Variants in ARHGAP26 observed in about 807,000 individuals in gnomAD.
The protein encoded by ARHGAP26 is Rho GTPase activating protein 26.
In ARHGAP26, 38 loss-of-function variants were observed where a neutral mutation model predicts 104.8. The observed-to-expected ratio is 0.36, with a 90% CI of 0.28 to 0.48. ARHGAP26 has a LOEUF of 0.48. Ranked by LOEUF, ARHGAP26 falls within the 20% of genes least tolerant of loss-of-function variation. The pLI, the probability that ARHGAP26 is intolerant of heterozygous loss-of-function variation, is 0.99. For missense variants in ARHGAP26, 704 were observed against 947.9 expected (o/e 0.74, Z 3.38); for synonymous variants, 341 against 340.0 (o/e 1.00, Z -0.03).
intron 17 of ARHGAP26, among the ~76,000 whole-genome samples, chr5:143,089,398 C>A (rs1185340489): frequency 6.6e-6 from 1 of 152,216 alleles, no homozygotes; most frequent in Non-Finnish European, 1.5e-5. Flanking sequence ...GAACTACTTT[C>A]TATTCATGCT....
chr5:143,151,989 A>C (rs1562514857), intron 20 of ARHGAP26, among the ~76,000 whole-genome samples: 1 of 152,304 alleles, frequency 6.6e-6, no homozygotes, highest in South Asian at 2.1e-4. Flanking sequence ...AGACTACAGT[A>C]TGATATGATA....
chr5:142,819,121 C>T (rs1051567469), intron 1 of ARHGAP26, among the ~76,000 whole-genome samples: 3 of 152,190 alleles, frequency 2.0e-5, no homozygotes, highest in African/African-American at 7.2e-5. Flanking sequence ...TCTAGGGCAG[C>T]TGGTGTCTCC....
chr5:143,086,304 T>G (rs1790579434), intron 17 of ARHGAP26, among the ~76,000 whole-genome samples: 1 of 152,240 alleles, frequency 6.6e-6, no homozygotes, highest in African/African-American at 2.4e-5. Context: ...TGATCATTTT[T>G]CTAGAATTTT....
At chr5:142,928,592 A>G (rs1262463565) in intron 10 of ARHGAP26, among the ~76,000 whole-genome samples, 1 of 152,144 alleles carries the variant, frequency 6.6e-6, no homozygotes, top group Admixed American at 6.5e-5. Context: ...CACAAGAGTT[A>G]AGGGTTGGAA....
At chr5:142,915,844 A>C (rs1159371530) in intron 10 of ARHGAP26, among the ~76,000 whole-genome samples, 1 of 152,140 alleles carries the variant, frequency 6.6e-6, no homozygotes, top group Non-Finnish European at 1.5e-5. Flanking sequence ...CGGGTAGAGA[A>C]GGAAAAGGCA....
chr5:143,187,659 C>T (rs768433894), intron 20 of ARHGAP26, among the ~76,000 whole-genome samples: 9 of 152,328 alleles, frequency 5.9e-5, no homozygotes, highest in African/African-American at 1.2e-4. Flanking sequence ...TGAGGTCAGG[C>T]GGAGCACCAG....
chr5:142,948,824 G>T (rs1404455400), intron 11 of ARHGAP26, among the ~76,000 whole-genome samples: 1 of 152,104 alleles, frequency 6.6e-6, no homozygotes. Flanking sequence ...CATTAAACAG[G>T]TCGGGTACGG....
intron 6 of ARHGAP26, among the ~76,000 whole-genome samples, chr5:142,895,227 CTTTTTTCTTTT>C (rs1050199487): frequency 8.6e-5 from 13 of 152,032 alleles, no homozygotes; most frequent in Non-Finnish European, 4.4e-5. Flanking sequence ...GGATAATTTT[CTTTTTTCTTTT>C]TTTTTTCTTT....
At position 143,218,884 on chromosome 5, in the gene ARHGAP26, A is replaced by G. The variant is rs148416930; in HGVS notation, c.2192-3474A>G. Among the ~76,000 whole-genome samples the G allele has an allele frequency of 2.0e-5, 3 of 152,282 alleles. No homozygotes were observed. The East Asian group carries it at 5.8e-4, about 29-fold the overall frequency. ...GATCAGATGTCTTGGTCTCTGATTC[A>G]TTTTCATTGTCTACCAGCTATTAAT... On this transcript the variant is annotated intron_variant, in intron 22 of 22. Coordinates refer to ENST00000645722, the MANE Select transcript of ARHGAP26 (RefSeq NM_001135608.3).
intron 1 of ARHGAP26, among the ~76,000 whole-genome samples, chr5:142,775,300 C>T (rs1756086433): frequency 6.6e-6 from 1 of 152,132 alleles, no homozygotes; most frequent in South Asian, 2.1e-4. Context: ...GACCATCCTA[C>T]TAGGTGTGTA....
intron 20 of ARHGAP26, among the ~76,000 whole-genome samples, chr5:143,188,982 A>G (rs547301630): frequency 6.6e-6 from 1 of 152,362 alleles, no homozygotes; most frequent in East Asian, 1.9e-4. Flanking sequence ...GGAACAAGCG[A>G]CATACTCTTT....
intron 1 of ARHGAP26, among the ~76,000 whole-genome samples, chr5:142,792,842 A>C (rs1760136944): frequency 6.6e-6 from 1 of 152,194 alleles, no homozygotes; most frequent in African/African-American, 2.4e-5. Flanking sequence ...TATCTTAATA[A>C]ATAGTAACAT....
intron 17 of ARHGAP26, among the ~76,000 whole-genome samples, chr5:143,095,630 G>T (rs1487364172): frequency 6.6e-6 from 1 of 152,164 alleles, no homozygotes; most frequent in African/African-American, 2.4e-5. Flanking sequence ...GTGTTGTGCT[G>T]CAATCTTGGC....
chr5:143,132,906 A>G (rs960275428), intron 18 of ARHGAP26, among the ~76,000 whole-genome samples: 11 of 152,106 alleles, frequency 7.2e-5, no homozygotes, highest in Admixed American at 7.2e-4. Context: ...TGTATCTACA[A>G]TTGTGGCTAC....
In ARHGAP26 at chr5:142,901,958, C is replaced by T; in HGVS notation, c.621C>T (p.Leu207=). The part of the protein sequence containing the change: ...VEPLLAFLQG[L]FTFYHHGYEL... ...AGCTGCTGGCCTTCCTGCAAGGACT[C>T]TTCACTTTCTATCACCATGGTTACG... is the stretch of plus-strand genomic sequence containing the variant. The change falls in exon 7 of 23, where the codon CTC becomes CTT. Residue 207 remains leucine (L), a synonymous_variant. Coordinates refer to ENST00000645722, the MANE Select transcript of ARHGAP26 (RefSeq NM_001135608.3). 10 of 1,614,030 alleles carry T rather than the reference C, an allele frequency of 6.2e-6. No homozygotes were observed. The highest frequency in any genetic ancestry group is 8.5e-6 in the Non-Finnish European group (10 of 1,179,900).
chr5:143,203,185 C>T (rs1808033082), intron 20 of ARHGAP26: 1 of 151,332 alleles, frequency 6.6e-6, no homozygotes, highest in Non-Finnish European at 1.5e-5. Flanking sequence ...TGACAAAGGG[C>T]TAATATCCAG....
Position 143,221,616 on chromosome 5 carries a change from C to T in ARHGAP26, c.2192-742C>T, listed in dbSNP as rs147162133. Among the ~76,000 whole-genome samples, 482 of 152,192 alleles carry T rather than the reference C, an allele frequency of 3.2e-3. 5 individuals carry two copies. Among genetic ancestry groups the T allele is most frequent in the African/African-American group, 0.011 (440 of 41,508 alleles). The stretch of plus-strand genomic sequence containing the variant: ...GCAGCCTCGACCTGCTGAGCCCAAG[C>T]GATCCTCCCGCTTCGGCACTCCCCC... On this transcript the variant is annotated intron_variant, in intron 22 of 22. Coordinates refer to ENST00000645722, the MANE Select transcript of ARHGAP26 (RefSeq NM_001135608.3).
intron 17 of ARHGAP26, among the ~76,000 whole-genome samples, chr5:143,064,183 C>A (rs529131877): frequency 6.8e-4 from 104 of 152,138 alleles, no homozygotes; most frequent in African/African-American, 2.5e-3. Flanking sequence ...CAGGGTGTGC[C>A]TTCTCCAGTT....
chr5:142,799,648 T>C (rs945269264), intron 1 of ARHGAP26, among the ~76,000 whole-genome samples: 2 of 152,186 alleles, frequency 1.3e-5, no homozygotes, highest in African/African-American at 4.8e-5. Context: ...AAGTCCAAGA[T>C]TGAGGGCCCA....
Sources: allele counts gnomAD v4.1 joint callset (sites outside exome capture counted in the v4.1 genomes callset), GRCh38; gene constraint gnomAD v4.1.1; transcripts MANE v1.5; gene names NCBI Gene and HGNC (gene_info 2026-07-23, HGNC 2026-07-21).